HTR7: variants seen among roughly 807,000 people sequenced by gnomAD.
The protein encoded by HTR7 is 5-hydroxytryptamine receptor 7.
Under a neutral mutation model 34.0 loss-of-function variants are expected in HTR7, and 16 were observed. That is an observed-to-expected ratio of 0.47 (90% confidence interval 0.32 to 0.71). HTR7 has a LOEUF of 0.71. Among genes scored for constraint, HTR7 ranks in the 30% least tolerant of loss-of-function variants. The pLI, the probability that HTR7 is intolerant of heterozygous loss-of-function variation, is 0.04. For missense variants in HTR7, 504 were observed against 625.5 expected (o/e 0.81, Z 2.07); for synonymous variants, 265 against 260.2 (o/e 1.02, Z -0.18).
In HTR7 at chr10:90,742,423, A is replaced by C; in HGVS notation, c.*59T>G. The C allele has an allele frequency of 3.1e-6, 4 of 1,286,216 alleles. No individual in the cohort carries two copies. Among genetic ancestry groups the C allele is most frequent in the Non-Finnish European group, 4.4e-6 (4 of 899,140 alleles). The allele number at this position is 1,286,216 out of a possible 1,614,324, so 79.7% of individuals were successfully genotyped here. Reference sequence around the variant, plus strand: ...TTCCATTCTGCAGACTCAGCAAATGACTTCCTTCTGTTTCCACCTCTATTT... The same window carrying C: ...TTCCATTCTGCAGACTCAGCAAATGCCTTCCTTCTGTTTCCACCTCTATTT... On this transcript the variant is annotated 3_prime_UTR_variant, in exon 4 of 4. Transcript: ENST00000336152.
intron 1 of HTR7, among the ~76,000 whole-genome samples, chr10:90,801,095 C>A (rs1011996963): frequency 6.6e-6 from 1 of 152,144 alleles, no homozygotes; most frequent in East Asian, 1.9e-4. Context: ...GTTCATTTTG[C>A]CACAGAACTC....
At chr10:90,786,088 G>A (rs1235263054) in intron 1 of HTR7, among the ~76,000 whole-genome samples, 3 of 152,192 alleles carry the variant, frequency 2.0e-5, no homozygotes, top group East Asian at 1.9e-4. Flanking sequence ...CAGCACATAT[G>A]TCGGGTTTAT....
At chr10:90,843,984 T>C (rs918394690) in intron 1 of HTR7, among the ~76,000 whole-genome samples, 1 of 152,228 alleles carries the variant, frequency 6.6e-6, no homozygotes, top group African/African-American at 2.4e-5. Flanking sequence ...ACCCACACAT[T>C]TGCATATTAT....
At chr10:90,820,048 T>G (rs920966893) in intron 1 of HTR7, among the ~76,000 whole-genome samples, 6 of 152,178 alleles carry the variant, frequency 3.9e-5, no homozygotes, top group African/African-American at 1.4e-4. Flanking sequence ...GAAAATCTAT[T>G]TAAAAAAAGA....
chr10:90,799,640 TAC>T (rs965802427), intron 1 of HTR7, among the ~76,000 whole-genome samples: 3 of 152,264 alleles, frequency 2.0e-5, no homozygotes, highest in African/African-American at 7.2e-5. Context: ...ACCAGGTATA[TAC>T]ACTGGTATAA....
In HTR7 at chr10:90,857,443, C is replaced by G. The variant is rs771371711; in HGVS notation, c.229G>C (p.Gly77Arg). Reference protein sequence around the residue: ...ASGCGEQINYGRVEKVVIGSI... With the variant: ...ASGCGEQINYRRVEKVVIGSI... ...CCGATCACAACTTTCTCGACTCTGC[C>G]GTAGTTGATCTGTTCCCCACAGCCG... is the stretch of plus-strand genomic sequence containing the variant. Residue 77 changes from glycine to arginine, a missense_variant, in exon 1 of 4, where the codon GGC becomes CGC. By Grantham distance (125) the Gly-to-Arg change is moderately radical. Transcript: ENST00000336152. This position sits in a 1 kb window ranked among gnomAD's most constrained non-coding sequence, Gnocchi z 6.5. The G allele has an allele frequency of 3.1e-6, 5 of 1,613,888 alleles. No homozygotes were observed. Among genetic ancestry groups the G allele is most frequent in the African/African-American group, 2.7e-5 (2 of 74,932 alleles).
chr10:90,835,705 G>A (rs1282782903), intron 1 of HTR7, among the ~76,000 whole-genome samples: 1 of 152,128 alleles, frequency 6.6e-6, no homozygotes, highest in Non-Finnish European at 1.5e-5. Context: ...TGGTGTGCAA[G>A]GGACCCAGAA....
At chr10:90,772,807 C>T (rs943157137) in intron 1 of HTR7, among the ~76,000 whole-genome samples, 10 of 152,316 alleles carry the variant, frequency 6.6e-5, no homozygotes, top group African/African-American at 2.2e-4. Context: ...GCATATGTAA[C>T]ATGCCAGGGT....
At chr10:90,794,366 A>G (rs115201557) in intron 1 of HTR7, among the ~76,000 whole-genome samples, 2,465 of 152,324 alleles carry the variant, frequency 0.016, 82 homozygotes, top group African/African-American at 0.055. Flanking sequence ...CTTGTTTTCT[A>G]TAAGTAGAAG....
At chr10:90,828,929 A>AAAAG (rs964217255) in intron 1 of HTR7, among the ~76,000 whole-genome samples, 3 of 152,256 alleles carry the variant, frequency 2.0e-5, no homozygotes, top group East Asian at 1.9e-4. Flanking sequence ...AAATTTAAAA[A>AAAAG]AAAGAAAGAA....
intron 1 of HTR7, among the ~76,000 whole-genome samples, chr10:90,767,667 G>A (rs147057621): frequency 6.6e-6 from 1 of 152,128 alleles, no homozygotes; most frequent in African/African-American, 2.4e-5. Flanking sequence ...TAAGAGATGT[G>A]CAGCTTCCAC....
chr10:90,742,671 C>T (rs767923491), intron 3 of HTR7, 143 bp from the exon 4 acceptor site: 3 of 548,214 alleles, frequency 5.5e-6, no homozygotes, highest in Admixed American at 6.6e-5. Context: ...GAGTATCCTT[C>T]AAGGGAAAGA....
intron 1 of HTR7, among the ~76,000 whole-genome samples, chr10:90,822,930 A>G (rs1846009067): frequency 6.6e-6 from 1 of 152,224 alleles, no homozygotes; most frequent in African/African-American, 2.4e-5. Context: ...TGTGGTATTA[A>G]GCCTGTGGGT....
At chr10:90,818,747 G>A (rs1845935127) in intron 1 of HTR7, among the ~76,000 whole-genome samples, 1 of 152,180 alleles carries the variant, frequency 6.6e-6, no homozygotes, top group East Asian at 1.9e-4. Flanking sequence ...AAAAGGTATA[G>A]ATTGGATTTG....
Position 90,857,725 on chromosome 10 carries a change from G to A in HTR7, c.-54C>T. Reference sequence around the variant, plus strand: ...GCCGGCGCCCCGGCCACGCGCCTCCGGCTGCCGGCCCCGGGGCTTCACCTC... The same window carrying A: ...GCCGGCGCCCCGGCCACGCGCCTCCAGCTGCCGGCCCCGGGGCTTCACCTC... On this transcript the variant is annotated 5_prime_UTR_variant, in exon 1 of 4. Coordinates refer to ENST00000336152, the MANE Select transcript of HTR7 (RefSeq NM_019859.4). This position sits in a 1 kb window ranked among gnomAD's most constrained non-coding sequence, Gnocchi z 6.5. The A allele has an allele frequency of 1.4e-6, 2 of 1,412,494 alleles. No homozygotes were observed. Among genetic ancestry groups the A allele is most frequent in the African/African-American group, 1.5e-5 (1 of 66,158 alleles). 87.5% of individuals were successfully genotyped at this position (1,412,494 alleles called of 1,614,324 possible).
At chr10:90,830,817 C>CA (rs1221615234) in intron 1 of HTR7, among the ~76,000 whole-genome samples, 2 of 143,304 alleles carry the variant, frequency 1.4e-5, no homozygotes, top group African/African-American at 2.6e-5. Flanking sequence ...GGCAAGCAAA[C>CA]AAGCTTTGGC....
intron 1 of HTR7, among the ~76,000 whole-genome samples, chr10:90,770,719 G>C (rs1845096131): frequency 6.6e-6 from 1 of 152,230 alleles, no homozygotes; most frequent in Non-Finnish European, 1.5e-5. Context: ...GCCAAGGTGG[G>C]TGCTGAGGGC....
intron 1 of HTR7, among the ~76,000 whole-genome samples, chr10:90,813,571 G>T (rs1845852864): frequency 6.6e-6 from 1 of 151,716 alleles, no homozygotes; most frequent in South Asian, 2.1e-4. Flanking sequence ...GGGAGTCCTT[G>T]GTAAGGTTTT....
intron 1 of HTR7, among the ~76,000 whole-genome samples, chr10:90,798,617 G>C (rs1292938937): frequency 6.6e-6 from 1 of 152,188 alleles, no homozygotes; most frequent in Non-Finnish European, 1.5e-5. Context: ...CAGGGACCAA[G>C]GTGGGAGGAT....
Sources: allele counts gnomAD v4.1 joint callset (sites outside exome capture counted in the v4.1 genomes callset), GRCh38; gene constraint gnomAD v4.1.1; non-coding constraint Gnocchi (gnomAD v3.1); transcripts MANE v1.5; gene names NCBI Gene and HGNC (gene_info 2026-07-23, HGNC 2026-07-21).